The following LSAMP variants were observed in gnomAD, a reference collection of about 807,000 sequenced individuals.
The protein encoded by LSAMP is limbic system-associated membrane protein.
Under a neutral mutation model 38.6 loss-of-function variants are expected in LSAMP, and 7 were observed. That is an observed-to-expected ratio of 0.18 (90% confidence interval 0.10 to 0.34). The LOEUF is 0.34. Ranked by LOEUF, LSAMP falls within the 10% of genes least tolerant of loss-of-function variation. LSAMP has a pLI of 1.00. For synonymous variants in LSAMP, 154 were observed against 166.8 expected, an observed-to-expected ratio of 0.92 and a Z score of 0.59; for missense variants, 313 against 420.0, an observed-to-expected ratio of 0.75 and a Z score of 2.23.
intron 3 of LSAMP, among the ~76,000 whole-genome samples, chr3:115,911,553 A>G (rs1042107493): frequency 9.9e-5 from 15 of 152,072 alleles, no homozygotes; most frequent in African/African-American, 3.4e-4. Context: ...CATGTTGCCC[A>G]GGCTGGTCTC....
intron 2 of LSAMP, among the ~76,000 whole-genome samples, chr3:116,074,681 T>C (rs1707694205): frequency 2.0e-5 from 3 of 152,172 alleles, no homozygotes; most frequent in African/African-American, 7.2e-5. Context: ...AACCCTTTCC[T>C]AGTATCACTA....
At chr3:116,152,009 C>G (rs1709624442) in intron 1 of LSAMP, among the ~76,000 whole-genome samples, 1 of 152,036 alleles carries the variant, frequency 6.6e-6, no homozygotes. Flanking sequence ...TTTATCTGAT[C>G]TATCTGGTCT....
intron 3 of LSAMP, among the ~76,000 whole-genome samples, chr3:115,947,685 C>T (rs185129557): frequency 2.8e-3 from 430 of 152,170 alleles, no homozygotes; most frequent in Non-Finnish European, 4.2e-3. Flanking sequence ...AAAAAGTTTA[C>T]AAAAATAATT....
intron 1 of LSAMP, among the ~76,000 whole-genome samples, chr3:116,090,257 A>G (rs946799184): frequency 6.6e-6 from 1 of 152,054 alleles, no homozygotes; most frequent in African/African-American, 2.4e-5. Context: ...ATAGTAAACC[A>G]GAATCAGTAG....
chr3:116,001,764 C>T (rs947169397), intron 3 of LSAMP, among the ~76,000 whole-genome samples: 1 of 152,170 alleles, frequency 6.6e-6, no homozygotes, highest in Non-Finnish European at 1.5e-5. Flanking sequence ...CTTCACATTC[C>T]CTTGGCACTC....
intron 1 of LSAMP, among the ~76,000 whole-genome samples, chr3:116,180,135 G>A (rs777180394): frequency 3.8e-4 from 58 of 152,128 alleles, no homozygotes; most frequent in Non-Finnish European, 4.7e-4. Flanking sequence ...GAGGTAATAT[G>A]TACAATGAAT....
chr3:115,926,563 A>C (rs1481934786), intron 3 of LSAMP, among the ~76,000 whole-genome samples: 1 of 152,148 alleles, frequency 6.6e-6, no homozygotes, highest in African/African-American at 2.4e-5. Context: ...AAAAATAGGC[A>C]CACTCAGCTT....
At chr3:116,340,981 AG>A (rs1443363253) in intron 1 of LSAMP, among the ~76,000 whole-genome samples, 1 of 152,028 alleles carries the variant, frequency 6.6e-6, no homozygotes, top group Non-Finnish European at 1.5e-5. Flanking sequence ...CCCCTATAAA[AG>A]AAGTTGATAC....
intron 3 of LSAMP, among the ~76,000 whole-genome samples, chr3:115,985,136 G>C (rs569519886): frequency 2.8e-4 from 42 of 152,238 alleles, no homozygotes; most frequent in African/African-American, 9.9e-4. Flanking sequence ...ACTTTACAGA[G>C]GAAGGATTTA....
At chr3:116,208,405 A>G (rs2046100240) in intron 1 of LSAMP, among the ~76,000 whole-genome samples, 1 of 152,124 alleles carries the variant, frequency 6.6e-6, no homozygotes, top group South Asian at 2.1e-4. Context: ...TCAGCTCATC[A>G]AAGTCATTCT....
At chr3:116,257,506 T>C (rs1182248800) in intron 1 of LSAMP, among the ~76,000 whole-genome samples, 1 of 152,320 alleles carries the variant, frequency 6.6e-6, no homozygotes, top group East Asian at 1.9e-4. Flanking sequence ...GTGACAGTTT[T>C]ATGAAACAAA....
chr3:116,402,628 A>T (rs2107828125), intron 1 of LSAMP, among the ~76,000 whole-genome samples: 1 of 152,234 alleles, frequency 6.6e-6, no homozygotes, highest in Non-Finnish European at 1.5e-5. Flanking sequence ...TTATACACAC[A>T]TATACAGACA....
At chr3:115,961,664 G>A (rs1442889896) in intron 3 of LSAMP, among the ~76,000 whole-genome samples, 3 of 152,182 alleles carry the variant, frequency 2.0e-5, no homozygotes, top group East Asian at 1.9e-4. Flanking sequence ...AGAACACCAC[G>A]TGGGGCAGTT....
intron 1 of LSAMP, among the ~76,000 whole-genome samples, chr3:116,425,992 T>C (rs888361600): frequency 2.0e-5 from 3 of 152,242 alleles, no homozygotes; most frequent in African/African-American, 7.2e-5. Context: ...ATGGTGCCTT[T>C]AAATTGAGGC....
intron 3 of LSAMP, among the ~76,000 whole-genome samples, chr3:115,854,418 G>A (rs1234424741): frequency 1.3e-5 from 2 of 150,664 alleles, no homozygotes; most frequent in African/African-American, 2.4e-5. Flanking sequence ...GAGTAGCTGG[G>A]ACTACAGGCG....
intron 3 of LSAMP, among the ~76,000 whole-genome samples, chr3:115,857,079 C>T (rs999986155): frequency 3.3e-5 from 5 of 152,156 alleles, no homozygotes; most frequent in Admixed American, 6.5e-5. Flanking sequence ...AAGGACTGCA[C>T]AGGGGCATCT....
At chr3:116,340,841 T>C (rs1466499465) in intron 1 of LSAMP, among the ~76,000 whole-genome samples, 2 of 152,036 alleles carry the variant, frequency 1.3e-5, no homozygotes, top group Non-Finnish European at 2.9e-5. Context: ...TACTTCTCCG[T>C]GTCTAGACTC....
intron 1 of LSAMP, among the ~76,000 whole-genome samples, chr3:116,126,132 C>T (rs904690566): frequency 6.6e-6 from 1 of 152,158 alleles, no homozygotes; most frequent in African/African-American, 2.4e-5. Context: ...AAACTTTTGT[C>T]TACATGAAAA....
chr3:116,128,872 A>G (rs896025333), intron 1 of LSAMP, among the ~76,000 whole-genome samples: 34 of 152,214 alleles, frequency 2.2e-4, no homozygotes, highest in African/African-American at 8.0e-4. Context: ...CATTAAAACA[A>G]TGTGTCACTA....
Sources: gnomAD v4.1 joint callset for allele counts (sites outside exome capture counted in the v4.1 genomes callset) on GRCh38, gnomAD v4.1.1 for gene constraint, MANE v1.5 for transcripts, NCBI Gene and HGNC (gene_info 2026-07-23, HGNC 2026-07-21) for gene names.